The following SLC15A2 variants were observed in gnomAD, a reference collection of about 807,000 sequenced individuals.
The protein encoded by SLC15A2 is kidney H(+)/peptide cotransporter.
Under a neutral mutation model 95.5 loss-of-function variants are expected in SLC15A2, and 77 were observed. The ratio of observed to expected loss-of-function variants is 0.81; its 90% CI spans 0.67 to 0.97. SLC15A2 has a LOEUF of 0.97. SLC15A2 is among the 50% of genes least tolerant of loss of function. The pLI is 0.00. For missense variants in SLC15A2, 893 were observed against 874.4 expected (o/e 1.02, Z -0.27); for synonymous variants, 306 against 306.9 (o/e 1.00, Z 0.03).
At chr3:121,938,473 G>A (rs981901321) in intron 19 of SLC15A2, among the ~76,000 whole-genome samples, 23 of 152,242 alleles carry the variant, frequency 1.5e-4, no homozygotes, top group Admixed American at 3.9e-4. Context: ...GTGGTGCGCC[G>A]TTTTTTAAGC....
intron 5 of SLC15A2, among the ~76,000 whole-genome samples, chr3:121,914,486 G>A (rs914501587): frequency 1.8e-4 from 28 of 152,128 alleles, no homozygotes; most frequent in African/African-American, 5.8e-4. Context: ...GCAAATCTCC[G>A]TTAAGCACTA....
chr3:121,903,751 T>A (rs770776879), intron 3 of SLC15A2, among the ~76,000 whole-genome samples: 11 of 152,224 alleles, frequency 7.2e-5, no homozygotes, highest in Non-Finnish European at 1.6e-4. Context: ...TTGGTTACTG[T>A]CGCCTTGTAG....
chr3:121,915,387 C>T lies in SLC15A2; in HGVS notation c.619+70C>T, dbSNP rs547814352. 1.4e-5 allele frequency: 15 copies of T among 1,041,344 alleles called. No homozygotes were observed. In the South Asian group the frequency reaches 1.9e-4, roughly 13 times the overall value. 64.5% of individuals were successfully genotyped at this position (1,041,344 alleles called of 1,614,324 possible). A position where few individuals can be genotyped will look rare whatever the true frequency, so the allele number is the denominator to read the frequency against. ...CAGCCAAAAAGCTGTTCAAGGCTTT[C>T]TCCTGTCTATCATCTCCTTTTATAA... On this transcript the variant is annotated intron_variant, in intron 6 of 21. Transcript: ENST00000489711.
In SLC15A2 at chr3:121,923,220, A is replaced by G. The variant is rs772072996; in HGVS notation, c.958-2A>G. On this transcript the variant is annotated splice_acceptor_variant, in intron 10 of 21. Coordinates refer to ENST00000489711, the MANE Select transcript of SLC15A2 (RefSeq NM_021082.4). LOFTEE classifies it high-confidence loss of function. ...TCTCATAACAGGATCTGTTTGCCCTAGGGTTCACGATGGACTTTGCAAGCC... is the reference window on the plus strand; with the variant it reads ...TCTCATAACAGGATCTGTTTGCCCTGGGGTTCACGATGGACTTTGCAAGCC... 3.7e-6 allele frequency: 6 copies of G among 1,613,976 alleles called. No homozygotes were observed. In the East Asian group the frequency reaches 8.9e-5, roughly 24 times the overall value.
At chr3:121,918,384 G>A (rs1709937116) in intron 7 of SLC15A2, among the ~76,000 whole-genome samples, 1 of 152,176 alleles carries the variant, frequency 6.6e-6, no homozygotes, top group South Asian at 2.1e-4. Context: ...TTTTGAACAT[G>A]TTGCATTTTA....
intron 12 of SLC15A2, among the ~76,000 whole-genome samples, chr3:121,924,613 T>C (rs1559849837): frequency 1.3e-5 from 2 of 152,130 alleles, no homozygotes; most frequent in Non-Finnish European, 2.9e-5. Flanking sequence ...TTTTTCCAAG[T>C]CAAGATAGTA....
chr3:121,910,362 A>G (rs1388517386), intron 3 of SLC15A2, among the ~76,000 whole-genome samples: 1 of 151,964 alleles, frequency 6.6e-6, no homozygotes, highest in African/African-American at 2.4e-5. Flanking sequence ...ACGCCCAGCT[A>G]ATTTTTGTAT....
At chr3:121,907,324 A>G (rs993632281) in intron 3 of SLC15A2, among the ~76,000 whole-genome samples, 2 of 152,092 alleles carry the variant, frequency 1.3e-5, no homozygotes, top group African/African-American at 4.8e-5. Context: ...GAAGTTTGTT[A>G]TTACCAACCT....
At chr3:121,936,211 T>G (rs1265226164) in intron 19 of SLC15A2, among the ~76,000 whole-genome samples, 1 of 152,122 alleles carries the variant, frequency 6.6e-6, no homozygotes, top group East Asian at 1.9e-4. Flanking sequence ...GGAATAGGTG[T>G]GGTGTGGTGC....
In SLC15A2 at chr3:121,929,040, A is replaced by C. The variant is rs1365434511; in HGVS notation, c.1400A>C (p.His467Pro). 9 of 1,614,116 alleles carry C rather than the reference A, an allele frequency of 5.6e-6. No individual in the cohort carries two copies. Among genetic ancestry groups the C allele is most frequent in the Non-Finnish European group, 7.6e-6 (9 of 1,179,988 alleles). Reference sequence around the variant, plus strand: ...ACAAAAAGCCAGGATTTTCACTTCCACCTGAAATATCACAATTTGTCTCTC... The same window carrying C: ...ACAAAAAGCCAGGATTTTCACTTCCCCCTGAAATATCACAATTTGTCTCTC... ...LKTKSQDFHF[H>P]LKYHNLSLYT... is the part of the protein sequence containing the mutation. The change falls in exon 16 of 22, where the codon CAC becomes CCC. Residue 467 changes from histidine (H) to proline (P), a missense_variant. Coordinates refer to ENST00000489711, the MANE Select transcript of SLC15A2 (RefSeq NM_021082.4).
intron 3 of SLC15A2, 140 bp downstream of exon 3, chr3:121,897,669 G>A (rs1709444841): frequency 2.6e-6 from 2 of 759,320 alleles, no homozygotes; most frequent in East Asian, 2.9e-5. Context: ...TGTGTAGTGT[G>A]GGAAATTTAA....
rs1443697059 is a variant in SLC15A2, at chr3:121,911,644, C to T, written c.406C>T (p.Leu136=). The T allele has an allele frequency of 6.2e-7, 1 of 1,612,240 alleles. No individual in the cohort carries two copies. The change falls in exon 4 of 22, where the codon CTG becomes TTG. Residue 136 remains leucine, a synonymous_variant. Coordinates refer to ENST00000489711, the MANE Select transcript of SLC15A2 (RefSeq NM_021082.4). The stretch of plus-strand genomic sequence containing the variant: ...CAAGTCCTTGGGTGCCTTACCAATA[C>T]TGGGAGGACAAGTGGTACACACGTG... ...VIKSLGALPI[L]GGQVVHTVLS...
At chr3:121,919,892 C>A (rs1709971945) in intron 7 of SLC15A2, among the ~76,000 whole-genome samples, 1 of 152,114 alleles carries the variant, frequency 6.6e-6, no homozygotes, top group African/African-American at 2.4e-5. Flanking sequence ...CACATATGAG[C>A]AAATTAGCTG....
rs545549187 is a variant in SLC15A2 at position 121,937,816 on chromosome 3, G to A, written c.1762-1533G>A. ...TGTTCCGTTGCTGATGAGGAACTGC[G>A]TTCCTTTGGAGGAGGAGAGGTGCTC... On this transcript the variant is annotated intron_variant, in intron 19 of 21. Transcript: ENST00000489711. Among the ~76,000 whole-genome samples, 20 of 152,292 alleles carry A rather than the reference G, an allele frequency of 1.3e-4. No individual in the cohort carries two copies. The East Asian group carries it at 2.1e-3, about 16-fold the overall frequency.
At chr3:121,911,140 C>A (rs1191561127) in intron 3 of SLC15A2, among the ~76,000 whole-genome samples, 1 of 152,212 alleles carries the variant, frequency 6.6e-6, no homozygotes, top group African/African-American at 2.4e-5. Context: ...TTGCTCTCTA[C>A]AGCAGAAGAT....
chr3:121,903,451 C>G (rs1235848989), intron 3 of SLC15A2, among the ~76,000 whole-genome samples: 1 of 152,156 alleles, frequency 6.6e-6, no homozygotes, highest in Non-Finnish European at 1.5e-5. Context: ...ATGGTAATGT[C>G]TAGGTTTTCT....
intron 7 of SLC15A2, among the ~76,000 whole-genome samples, chr3:121,920,747 T>C (rs1212555954): frequency 6.6e-6 from 1 of 152,122 alleles, no homozygotes; most frequent in Non-Finnish European, 1.5e-5. Flanking sequence ...TGAGAAAAAG[T>C]GGTAGAGTGA....
In SLC15A2 at chr3:121,905,357, G is replaced by C. The variant is rs528969514; in HGVS notation, c.336-6217G>C. ...TTGTGTCTCTATCTCCTTCAGTTCT[G>C]CTCTGATCTTAGTTATTTCTTGCCT... On this transcript the variant is annotated intron_variant, in intron 3 of 21. Transcript: ENST00000489711. Among the ~76,000 whole-genome samples, 88 of 152,138 alleles carry C rather than the reference G, an allele frequency of 5.8e-4. 1 individual carries two copies. The highest frequency in any genetic ancestry group is 2.9e-3 in the East Asian group (15 of 5,176).
chr3:121,929,652 T>A (rs1195975315), intron 17 of SLC15A2, among the ~76,000 whole-genome samples: 2 of 152,342 alleles, frequency 1.3e-5, no homozygotes, highest in East Asian at 3.9e-4. Flanking sequence ...CTCTCTGTGA[T>A]CGCCAGAGAG....
Sources: gnomAD v4.1 joint callset for allele counts (sites outside exome capture counted in the v4.1 genomes callset) on GRCh38, gnomAD v4.1.1 for gene constraint, MANE v1.5 for transcripts, NCBI Gene and HGNC (gene_info 2026-07-23, HGNC 2026-07-21) for gene names.